The following RCBTB1 variants were observed in gnomAD, a reference collection of about 807,000 sequenced individuals.
The protein encoded by RCBTB1 is RCC1 and BTB domain-containing protein 1.
Under a neutral mutation model 62.4 loss-of-function variants are expected in RCBTB1, and 46 were observed. The observed-to-expected ratio is 0.74, with a 90% CI of 0.58 to 0.94. The LOEUF is 0.94. RCBTB1 is among the 40% of genes least tolerant of loss of function. The pLI is 0.00. For synonymous variants in RCBTB1, 222 were observed against 245.8 expected (o/e 0.90, Z 0.91); for missense variants, 565 against 654.9 (o/e 0.86, Z 1.50).
At chr13:49,583,435 A>T (rs897156567) in intron 1 of RCBTB1, among the ~76,000 whole-genome samples, 1 of 151,950 alleles carries the variant, frequency 6.6e-6, no homozygotes, top group African/African-American at 2.4e-5. Context: ...TCTAACACAC[A>T]GTTGACTTAT....
Position 49,555,682 on chromosome 13 carries a change from G to A in RCBTB1, c.445-9C>T, listed in dbSNP as rs1208237163. 3.9e-6 allele frequency: 6 copies of A among 1,540,250 alleles called. No homozygotes were observed. The highest frequency in any genetic ancestry group is 2.5e-5 in the South Asian group (2 of 81,332). ...TAACCCCAAGCAAACACCTACAAGA[G>A]AAAGAAAAAGGAAAAGGAAAGAATA... On this transcript the variant is annotated splice_polypyrimidine_tract_variant and intron_variant, in intron 5 of 12. Coordinates refer to ENST00000378302, the MANE Select transcript of RCBTB1 (RefSeq NM_018191.4).
rs144922510 is a variant in RCBTB1 at position 49,578,655 on chromosome 13, G to A, written c.-42+1850C>T. Among the ~76,000 whole-genome samples the A allele has an allele frequency of 3.0e-4, 45 of 152,292 alleles. 1 individual carries two copies. In the East Asian group the frequency reaches 7.3e-3, roughly 25 times the overall value. ...AATATGTCAAATAGGAAATAATTAT[G>A]TGCAAACTAGTGACAACTATATAAA... On this transcript the variant is annotated intron_variant, in intron 2 of 12. Transcript: ENST00000378302.
At chr13:49,542,567 CATTT>C (rs1960469636) in intron 10 of RCBTB1, among the ~76,000 whole-genome samples, 1 of 152,020 alleles carries the variant, frequency 6.6e-6, no homozygotes, top group Non-Finnish European at 1.5e-5. Context: ...TAAAATGATT[CATTT>C]GTTTTTTGTT....
rs925213006 is a variant in RCBTB1 at position 49,544,680 on chromosome 13, G to A, written c.1172+57C>T. On this transcript the variant is annotated intron_variant, in intron 10 of 12. Transcript: ENST00000378302. ...ATTTTTTATCAGTACTCATTTTGTG[G>A]AATAACAAAGAAAGAAAAGTCAAGT... 32 of 1,454,680 alleles carry A rather than the reference G, an allele frequency of 2.2e-5. 1 individual carries two copies. The South Asian group carries it at 3.6e-4, about 16-fold the overall frequency. 90.1% of individuals were successfully genotyped at this position (1,454,680 alleles called of 1,614,324 possible).
At chr13:49,571,366 A>G (rs1365678282) in intron 2 of RCBTB1, among the ~76,000 whole-genome samples, 1 of 151,802 alleles carries the variant, frequency 6.6e-6, no homozygotes, top group Non-Finnish European at 1.5e-5. Flanking sequence ...AGAAGTATCC[A>G]CTCTCCCAAT....
intron 2 of RCBTB1, among the ~76,000 whole-genome samples, chr13:49,576,044 G>A (rs971131071): frequency 6.6e-6 from 1 of 151,840 alleles, no homozygotes; most frequent in Non-Finnish European, 1.5e-5. Flanking sequence ...AAAATTAGCC[G>A]GGTGTGGTGG....
chr13:49,582,401 C>G (rs944918553), intron 1 of RCBTB1, among the ~76,000 whole-genome samples: 45 of 152,248 alleles, frequency 3.0e-4, no homozygotes, highest in African/African-American at 1.1e-3. Context: ...GCAGGAGAAT[C>G]GCTTGAACTC....
chr13:49,536,424 G>A (rs913485245), intron 12 of RCBTB1, among the ~76,000 whole-genome samples: 16 of 152,138 alleles, frequency 1.1e-4, no homozygotes, highest in Admixed American at 8.5e-4. Context: ...TTAGACAAAC[G>A]CCCTTCCGAC....
intron 4 of RCBTB1, among the ~76,000 whole-genome samples, chr13:49,561,185 A>T (rs1001319426): frequency 2.0e-5 from 3 of 152,206 alleles, no homozygotes; most frequent in African/African-American, 7.2e-5. Context: ...CCTATTAAGG[A>T]CAGTCTGCCT....
chr13:49,567,904 G>A (rs963286652), intron 2 of RCBTB1, among the ~76,000 whole-genome samples: 2 of 152,232 alleles, frequency 1.3e-5, no homozygotes, highest in African/African-American at 4.8e-5. Flanking sequence ...TGTGTGTGCA[G>A]GTGGAGGGGG....
chr13:49,567,023 A>G, intron 3 of RCBTB1, 131 bp downstream of exon 3: 1 of 849,338 alleles, frequency 1.2e-6, no homozygotes, highest in Non-Finnish European at 1.8e-6. Flanking sequence ...AAACTATCAA[A>G]GCCATAGTCT....
At chr13:49,556,442 G>A (rs34449946) in intron 5 of RCBTB1, among the ~76,000 whole-genome samples, 8,877 of 151,874 alleles carry the variant, frequency 0.058, 339 homozygotes, top group South Asian at 0.12. Flanking sequence ...CACCCATCTC[G>A]GCCTCCCAAA....
intron 12 of RCBTB1, among the ~76,000 whole-genome samples, chr13:49,540,084 C>A (rs1960230269): frequency 1.3e-5 from 2 of 152,310 alleles, no homozygotes; most frequent in Middle Eastern, 3.4e-3. Context: ...TGCTCTCTAC[C>A]TTTTATTCTC....
chr13:49,549,824 TCTC>T (rs1961172995), intron 8 of RCBTB1, 176 bp from the exon 9 acceptor site: 4 of 985,244 alleles, frequency 4.1e-6, no homozygotes, highest in Non-Finnish European at 4.8e-6. Context: ...AGAGCACTGT[TCTC>T]CTTTCCCAAA....
intron 9 of RCBTB1, 113 bp from the exon 10 acceptor site, chr13:49,544,976 T>C (rs1960683931): frequency 1.1e-5 from 9 of 849,252 alleles, no homozygotes; most frequent in African/African-American, 3.4e-5. Context: ...TGTTTTTTTT[T>C]CAAGAGTTCA....
chr13:49,547,375 A>G (rs1570884), intron 9 of RCBTB1, among the ~76,000 whole-genome samples: 88,978 of 151,984 alleles, frequency 0.59, 27,517 homozygotes, highest in Admixed American at 0.7. Context: ...TTAACCTTCA[A>G]TATCAATTGC....
chr13:49,566,661 G>A lies in RCBTB1; in HGVS notation c.234C>T (p.Ser78=), dbSNP rs1468631617. The change falls in exon 4 of 13, where the codon AGC becomes AGT. Residue 78 remains serine, a synonymous_variant. Coordinates refer to ENST00000378302, the MANE Select transcript of RCBTB1 (RefSeq NM_018191.4). ...LEGLCGKKIK[S]LSYGSGPHVL... ...CATGTGGTCCACTCCCGTAACTGAG[G>A]CTTTTAATCTTCTTTCCACATAAGC... 4.3e-6 allele frequency: 7 copies of A among 1,613,970 alleles called. No homozygotes were observed. The highest frequency in any genetic ancestry group is 2.2e-5 in the East Asian group (1 of 44,888).
At chr13:49,547,754 A>G (rs9568245) in intron 9 of RCBTB1, among the ~76,000 whole-genome samples, 1 of 152,286 alleles carries the variant, frequency 6.6e-6, no homozygotes, top group East Asian at 1.9e-4. Flanking sequence ...GAAAGAAAGA[A>G]GATGGGGTTA....
chr13:49,549,422 T>C, intron 9 of RCBTB1, 36 bp downstream of exon 9: 1 of 1,572,928 alleles, frequency 6.4e-7, no homozygotes, highest in South Asian at 1.2e-5. Context: ...GGTAGTACCA[T>C]TCTTCCTGGG....
Sources: gnomAD v4.1 joint callset for allele counts (sites outside exome capture counted in the v4.1 genomes callset) on GRCh38, gnomAD v4.1.1 for gene constraint, MANE v1.5 for transcripts, NCBI Gene and HGNC (gene_info 2026-07-23, HGNC 2026-07-21) for gene names.